FOXP1: variants seen among roughly 807,000 people sequenced by gnomAD.
The protein encoded by FOXP1 is forkhead box protein P1.
FOXP1 carries 15 observed loss-of-function variants against 98.2 expected under a neutral mutation model. That is an observed-to-expected ratio of 0.15 (90% CI 0.10 to 0.24). The LOEUF is 0.24. Among genes scored for constraint, FOXP1 ranks in the 10% least tolerant of loss-of-function variants. FOXP1 has a pLI of 1.00. For missense variants in FOXP1, 633 were observed against 848.5 expected, an observed-to-expected ratio of 0.75 and a Z score of 3.15; for synonymous variants, 371 against 314.5, an observed-to-expected ratio of 1.18 and a Z score of -1.90.
chr3:71,328,367 T>C (rs1224019552), intron 4 of FOXP1, among the ~76,000 whole-genome samples: 1 of 152,222 alleles, frequency 6.6e-6, no homozygotes, highest in African/African-American at 2.4e-5. Flanking sequence ...TAGATCTTAT[T>C]TGGTACAATG....
intron 13 of FOXP1, 99 bp from the exon 14 acceptor site, chr3:70,988,176 G>C: frequency 9.5e-7 from 1 of 1,047,792 alleles, no homozygotes; most frequent in Non-Finnish European, 1.5e-6. Context: ...TGGCACCACA[G>C]CACATGATAA....
At chr3:71,214,944 C>T (rs1321846337) in intron 5 of FOXP1, among the ~76,000 whole-genome samples, 1 of 152,216 alleles carries the variant, frequency 6.6e-6, no homozygotes, top group Non-Finnish European at 1.5e-5. Context: ...TGCACTGCAA[C>T]TGTGTTGCAG....
chr3:70,955,830 G>GCA lies in FOXP1; in HGVS notation c.*3416_*3417insTG, dbSNP rs886058826. ...AAAACAGATTAACACACACGCACGC[G>GCA]CGCACACACACACACACACACACAC... On this transcript the variant is annotated 3_prime_UTR_variant, in exon 21 of 21. Coordinates refer to ENST00000649528, the MANE Select transcript of FOXP1 (RefSeq NM_001349338.3). 2.4e-5 allele frequency: 5 copies of GCA among 205,752 alleles called. No homozygotes were observed. Among genetic ancestry groups the GCA allele is most frequent in the South Asian group, 2.0e-4 (1 of 4,978 alleles). 12.7% of individuals were successfully genotyped at this position (205,752 alleles called of 1,614,324 possible).
intron 3 of FOXP1, among the ~76,000 whole-genome samples, chr3:71,360,132 A>T (rs1031359545): frequency 1.3e-5 from 2 of 152,208 alleles, no homozygotes; most frequent in South Asian, 2.1e-4. Context: ...TCATAATTAC[A>T]GTGCTAATAC....
intron 7 of FOXP1, among the ~76,000 whole-genome samples, chr3:71,067,889 C>T (rs536408871): frequency 1.1e-4 from 16 of 149,544 alleles, no homozygotes; most frequent in African/African-American, 3.4e-4. Flanking sequence ...GCACTCCAGC[C>T]TAGGCAACAG....
At chr3:71,349,907 CAA>C (rs2077667900) in intron 4 of FOXP1, among the ~76,000 whole-genome samples, 1 of 152,112 alleles carries the variant, frequency 6.6e-6, no homozygotes, top group African/African-American at 2.4e-5. Context: ...AACTGAGGTT[CAA>C]AATATTCCTT....
In FOXP1 at chr3:70,956,055, T is replaced by A. The variant is rs1468976154; in HGVS notation, c.*3192A>T. 1 of 232,288 alleles carries A rather than the reference T, an allele frequency of 4.3e-6. No homozygotes were observed. The highest frequency in any genetic ancestry group is 6.0e-5 in the East Asian group (1 of 16,576). The allele number at this position is 232,288 out of a possible 1,614,324, so 14.4% of individuals were successfully genotyped here. A position where few individuals can be genotyped will look rare whatever the true frequency, so the allele number is the denominator to read the frequency against. On this transcript the variant is annotated 3_prime_UTR_variant, in exon 21 of 21. Transcript: ENST00000649528. The stretch of plus-strand genomic sequence containing the variant: ...TCTGCAATTCCGTTACATACAGTAG[T>A]TTTTTTTCCAAAGCTATTTTTTTTT...
intron 6 of FOXP1, among the ~76,000 whole-genome samples, chr3:71,149,575 A>G (rs1332315147): frequency 1.3e-5 from 2 of 152,216 alleles, no homozygotes; most frequent in Non-Finnish European, 2.9e-5. Context: ...TATTTTTTAA[A>G]ACTACATTTA....
At chr3:71,439,304 G>A (rs1284473170) in intron 3 of FOXP1, among the ~76,000 whole-genome samples, 1 of 152,190 alleles carries the variant, frequency 6.6e-6, no homozygotes, top group Non-Finnish European at 1.5e-5. Context: ...GTGTCCATGT[G>A]CATAGGGTGG....
chr3:70,976,360 C>G (rs2037525564), intron 17 of FOXP1, among the ~76,000 whole-genome samples: 1 of 152,146 alleles, frequency 6.6e-6, no homozygotes, highest in South Asian at 2.1e-4. Flanking sequence ...GGCCGACAAT[C>G]TCTTGACTTA....
intron 5 of FOXP1, among the ~76,000 whole-genome samples, chr3:71,225,556 C>T (rs533454253): frequency 6.6e-6 from 1 of 152,032 alleles, no homozygotes; most frequent in Non-Finnish European, 1.5e-5. Flanking sequence ...GCTAATGCTA[C>T]GGATTTGTTC....
chr3:71,385,644 G>A (rs1446298371), intron 3 of FOXP1, among the ~76,000 whole-genome samples: 1 of 152,154 alleles, frequency 6.6e-6, no homozygotes, highest in Non-Finnish European at 1.5e-5. Context: ...ATGTATATAG[G>A]AATACATATA....
chr3:71,143,635 T>C (rs1363961788), intron 6 of FOXP1, among the ~76,000 whole-genome samples: 3 of 152,184 alleles, frequency 2.0e-5, no homozygotes, highest in African/African-American at 7.2e-5. Flanking sequence ...GGCTCACATA[T>C]GTAATTCCAG....
chr3:71,165,795 T>C (rs188389637), intron 6 of FOXP1, among the ~76,000 whole-genome samples: 140 of 151,792 alleles, frequency 9.2e-4, no homozygotes, highest in Admixed American at 3.3e-3. Context: ...CACGAACCAC[T>C]TGGAGGTCTG....
chr3:71,052,599 GTT>G lies in FOXP1; in HGVS notation c.446_447del (p.Lys149ThrfsTer20). ...QQQQLQEFYK[K>X]QQEQLQLQLL... The stretch of plus-strand genomic sequence containing the variant: ...AGTTGAAGCTGCAACTGTTCCTGTT[GTT>G]TTTTATAAAACTCTTGAAGCTGCTG... On this transcript the variant is annotated frameshift_variant, in exon 9 of 21. Coordinates refer to ENST00000649528, the MANE Select transcript of FOXP1 (RefSeq NM_001349338.3). LOFTEE classifies it high-confidence loss of function. 1 of 1,408,718 alleles carries G rather than the reference GTT, an allele frequency of 7.1e-7. No individual in the cohort carries two copies. Among genetic ancestry groups the G allele is most frequent in the Non-Finnish European group, 1.0e-6 (1 of 992,232 alleles). 87.3% of individuals were successfully genotyped at this position (1,408,718 alleles called of 1,614,324 possible). A position where few individuals can be genotyped will look rare whatever the true frequency, so the allele number is the denominator to read the frequency against.
At chr3:71,115,322 T>TTTATTTA (rs2058286887) in intron 6 of FOXP1, among the ~76,000 whole-genome samples, 1 of 13,374 alleles carries the variant, frequency 7.5e-5, no homozygotes, top group Non-Finnish European at 1.5e-4. Flanking sequence ...TATTATTTTA[T>TTTATTTA]TTATTTATTT....
chr3:70,959,497 A>AC, intron 20 of FOXP1, 106 bp from the exon 21 acceptor site: 1 of 1,238,036 alleles, frequency 8.1e-7, no homozygotes, highest in Non-Finnish European at 1.2e-6. Flanking sequence ...TAGAACTAGA[A>AC]CTCTGTCCAG....
intron 5 of FOXP1, among the ~76,000 whole-genome samples, chr3:71,276,697 C>A (rs1349177209): frequency 6.6e-6 from 1 of 152,100 alleles, no homozygotes; most frequent in African/African-American, 2.4e-5. Flanking sequence ...TGCACAGTGA[C>A]CACGTAAGAG....
chr3:71,009,767 G>A (rs1164984773), intron 12 of FOXP1, among the ~76,000 whole-genome samples: 1 of 151,988 alleles, frequency 6.6e-6, no homozygotes, highest in Non-Finnish European at 1.5e-5. Flanking sequence ...TTAATTTTTA[G>A]AGACAAGGTT....
Sources: allele counts gnomAD v4.1 joint callset (sites outside exome capture counted in the v4.1 genomes callset), GRCh38; gene constraint gnomAD v4.1.1; transcripts MANE v1.5; gene names NCBI Gene and HGNC (gene_info 2026-07-23, HGNC 2026-07-21).